The following DAB1 variants were observed in gnomAD, a reference collection of about 807,000 sequenced individuals.
The protein encoded by DAB1 is disabled homolog 1.
Under a neutral mutation model 64.6 loss-of-function variants are expected in DAB1, and 15 were observed. The observed-to-expected ratio is 0.23, with a 90% CI of 0.16 to 0.36. The LOEUF (loss-of-function observed/expected upper bound fraction) is 0.36, where lower values mean the gene tolerates loss of function less well. Ranked by LOEUF, DAB1 falls within the 10% of genes least tolerant of loss-of-function variation. DAB1 has a pLI of 1.00. For synonymous variants in DAB1, 235 were observed against 251.9 expected, an observed-to-expected ratio of 0.93 and a Z score of 0.64; for missense variants, 596 against 706.7, an observed-to-expected ratio of 0.84 and a Z score of 1.78.
chr1:57,560,888 A>G (rs1226071736), intron 7 of DAB1, among the ~76,000 whole-genome samples: 3 of 152,308 alleles, frequency 2.0e-5, no homozygotes, highest in Middle Eastern at 6.8e-3. Context: ...TTGGCCTGTT[A>G]CTGGGCTTTG....
At chr1:58,462,608 A>C (rs1285479577) in intron 3 of DAB1, 1 of 152,198 alleles carries the variant, frequency 6.6e-6, no homozygotes, top group African/African-American at 2.4e-5. Context: ...TTAATGATGT[A>C]AGAAAATCAG....
rs949691599 is a variant in DAB1 at position 58,108,944 on chromosome 1, G to A, written n.387+41567C>T. ...AGTCTTGAGATGCAGAGAACAGTCTGGTTGAAAGAAGATGACACACTCAAG... is the reference window on the plus strand; with the variant it reads ...AGTCTTGAGATGCAGAGAACAGTCTAGTTGAAAGAAGATGACACACTCAAG... On this transcript the variant is annotated intron_variant and non_coding_transcript_variant, in intron 5 of 20. Transcript: ENST00000485760. Among the ~76,000 whole-genome samples the A allele has an allele frequency of 4.6e-5, 7 of 152,238 alleles. No individual in the cohort carries two copies. In the East Asian group the frequency reaches 1.4e-3, roughly 29 times the overall value.
intron 5 of DAB1, among the ~76,000 whole-genome samples, chr1:58,017,891 G>C (rs1343577022): frequency 6.6e-6 from 1 of 152,164 alleles, no homozygotes; most frequent in Non-Finnish European, 1.5e-5. Flanking sequence ...AGGAGTCCCA[G>C]CCCTCCTTGA....
intron 6 of DAB1, among the ~76,000 whole-genome samples, chr1:57,691,402 C>G (rs772063200): frequency 2.0e-5 from 3 of 152,132 alleles, no homozygotes; most frequent in Non-Finnish European, 4.4e-5. Context: ...GAACAATCAG[C>G]AGGATGTGGG....
At chr1:58,523,760 A>G (rs6687082) in intron 2 of DAB1, among the ~76,000 whole-genome samples, 148,828 of 152,088 alleles carry the variant, frequency 0.98, 72,899 homozygotes, top group East Asian at 1. Flanking sequence ...TTAGCCGGGC[A>G]TGGTGGTGGG....
intron 2 of DAB1, among the ~76,000 whole-genome samples, chr1:57,210,944 A>G (rs1665953193): frequency 6.6e-6 from 1 of 152,338 alleles, no homozygotes; most frequent in East Asian, 1.9e-4. Context: ...CATCATATCA[A>G]TTTCAAAATA....
At chr1:58,039,643 A>C (rs1647103441) in intron 5 of DAB1, among the ~76,000 whole-genome samples, 1 of 151,902 alleles carries the variant, frequency 6.6e-6, no homozygotes, top group Admixed American at 6.6e-5. Context: ...GGAGTTTGAC[A>C]TCTGAGACTT....
At chr1:57,302,694 C>T (rs1673766929) in intron 1 of DAB1, among the ~76,000 whole-genome samples, 1 of 152,096 alleles carries the variant, frequency 6.6e-6, no homozygotes, top group Non-Finnish European at 1.5e-5. Flanking sequence ...GCCTCCAACT[C>T]CTGGGTTCGA....
intron 3 of DAB1, among the ~76,000 whole-genome samples, chr1:58,419,112 A>G (rs923146804): frequency 6.6e-6 from 1 of 152,102 alleles, no homozygotes; most frequent in Non-Finnish European, 1.5e-5. Context: ...GGCAGTGTGT[A>G]TTTATCTTTA....
intron 5 of DAB1, among the ~76,000 whole-genome samples, chr1:58,089,452 A>T (rs11207170): frequency 0.27 from 40,709 of 152,220 alleles, 6,705 homozygotes; most frequent in African/African-American, 0.45. Context: ...ATGTCTTTGA[A>T]TGCAACTGTG....
intron 1 of DAB1, among the ~76,000 whole-genome samples, chr1:57,423,597 G>A (rs1009362313): frequency 3.3e-5 from 5 of 152,044 alleles, no homozygotes; most frequent in African/African-American, 9.7e-5. Flanking sequence ...GGCGCAGGGG[G>A]TCTTGGAGAG....
At chr1:57,075,825 A>T (rs1424038122) in intron 4 of DAB1, among the ~76,000 whole-genome samples, 1 of 152,230 alleles carries the variant, frequency 6.6e-6, no homozygotes, top group Non-Finnish European at 1.5e-5. Flanking sequence ...AAACTAGATT[A>T]CACAGAATCA....
chr1:57,100,188 A>G (rs1045814336), intron 4 of DAB1, among the ~76,000 whole-genome samples: 5 of 152,164 alleles, frequency 3.3e-5, no homozygotes, highest in African/African-American at 1.2e-4. Flanking sequence ...ATGAAGATAA[A>G]AATAGAATCT....
intron 1 of DAB1, among the ~76,000 whole-genome samples, chr1:57,322,456 A>C (rs76049219): frequency 0.02 from 3,025 of 152,206 alleles, 35 homozygotes; most frequent in Non-Finnish European, 0.032. Context: ...CATTCCCATG[A>C]AATCTGGGCA....
chr1:58,251,030 T>G (rs1660781533), intron 4 of DAB1, among the ~76,000 whole-genome samples: 1 of 152,212 alleles, frequency 6.6e-6, no homozygotes, highest in Admixed American at 6.5e-5. Context: ...GTTGTAGCTG[T>G]GTGGTCTTAT....
chr1:58,156,710 G>C (rs1392555832), intron 4 of DAB1, among the ~76,000 whole-genome samples: 2 of 152,134 alleles, frequency 1.3e-5, no homozygotes, highest in African/African-American at 2.4e-5. Context: ...CTGCACAGAA[G>C]GGAACAACAT....
chr1:57,799,587 G>GA (rs1394999377), intron 6 of DAB1, among the ~76,000 whole-genome samples: 9 of 60,010 alleles, frequency 1.5e-4, no homozygotes, highest in Admixed American at 6.0e-4. Flanking sequence ...AAAAGATCTG[G>GA]GGGGGGCTTT....
At chr1:57,533,264 C>A (rs1644686173) in intron 7 of DAB1, among the ~76,000 whole-genome samples, 2 of 151,988 alleles carry the variant, frequency 1.3e-5, no homozygotes, top group African/African-American at 2.4e-5. Flanking sequence ...AATCAGATTT[C>A]TTTCCTTATG....
intron 7 of DAB1, among the ~76,000 whole-genome samples, chr1:57,463,416 T>TA (rs1269258994): frequency 8.5e-5 from 13 of 152,314 alleles, no homozygotes; most frequent in African/African-American, 3.1e-4. Flanking sequence ...TGAGGGGTCT[T>TA]ATGTTTTTTA....
Sources: gnomAD v4.1 joint callset for allele counts (sites outside exome capture counted in the v4.1 genomes callset) on GRCh38, gnomAD v4.1.1 for gene constraint, MANE v1.5 for transcripts, NCBI Gene and HGNC (gene_info 2026-07-23, HGNC 2026-07-21) for gene names.